CARM1: variants seen among roughly 807,000 people sequenced by gnomAD.
The protein encoded by CARM1 is coactivator associated arginine methyltransferase 1.
Under a neutral mutation model 72.7 loss-of-function variants are expected in CARM1, and 14 were observed. The observed-to-expected ratio is 0.19, with a 90% CI of 0.13 to 0.30. The LOEUF is 0.30. CARM1 is among the 10% of genes least tolerant of loss of function. The pLI, the probability that CARM1 is intolerant of heterozygous loss-of-function variation, is 1.00. For synonymous variants in CARM1, 333 were observed against 345.5 expected (o/e 0.96, Z 0.40); for missense variants, 432 against 833.7 (o/e 0.52, Z 5.93).
chr19:10,908,457 G>T (rs764068488), intron 3 of CARM1: 17 of 302,316 alleles, frequency 5.6e-5, no homozygotes, highest in Non-Finnish European at 1.1e-4. Context: ...CTGCATGCCA[G>T]GCCCTGGTCT....
At chr19:10,886,192 G>T (rs2073941202) in intron 1 of CARM1, among the ~76,000 whole-genome samples, 2 of 151,948 alleles carry the variant, frequency 1.3e-5, no homozygotes, top group African/African-American at 4.8e-5. Context: ...CAGTAGCTGG[G>T]ATTACGGGCA....
chr19:10,922,664 C>T lies in CARM1; in HGVS notation c.*907C>T, dbSNP rs1040799059. 5.3e-5 allele frequency: 8 copies of T among 152,308 alleles called. No homozygotes were observed. Among genetic ancestry groups the T allele is most frequent in the African/African-American group, 1.9e-4 (8 of 41,428 alleles). 9.4% of individuals were successfully genotyped at this position (152,308 alleles called of 1,614,324 possible). On this transcript the variant is annotated 3_prime_UTR_variant, in exon 16 of 16. Coordinates refer to ENST00000327064, the MANE Select transcript of CARM1 (RefSeq NM_199141.2). ...GACGCTCCAGTCCCTACTACTGTGACGGCATTTCCATCCCTCCCCTGCCCG... is the reference window on the plus strand; with the variant it reads ...GACGCTCCAGTCCCTACTACTGTGATGGCATTTCCATCCCTCCCCTGCCCG...
intron 3 of CARM1, among the ~76,000 whole-genome samples, 198 bp from the exon 4 acceptor site, chr19:10,908,905 C>A (rs11667234): frequency 0.027 from 4,084 of 152,316 alleles, 79 homozygotes; most frequent in Non-Finnish European, 0.042. Context: ...GTGATAGTGG[C>A]GGTGTCCTCC....
chr19:10,912,278 T>C lies in CARM1; in HGVS notation c.653T>C (p.Met218Thr). The change falls in exon 5 of 16, where the codon ATG becomes ACG. Residue 218 changes from methionine (M) to threonine (T), a missense_variant. Coordinates refer to ENST00000327064, the MANE Select transcript of CARM1 (RefSeq NM_199141.2). The surrounding 1 kb of genome is among the most constrained non-coding windows in gnomAD (Gnocchi z 4.5). ...ATCTACGCGGTGGAGGCCAGCACCATGGCCCAGCACGCTGAGGTCAGTGGC... is the reference window on the plus strand; with the variant it reads ...ATCTACGCGGTGGAGGCCAGCACCACGGCCCAGCACGCTGAGGTCAGTGGC... ...RKIYAVEAST[M>T]AQHAEVLVKS... is the part of the protein sequence containing the mutation. The C allele has an allele frequency of 6.5e-7, 1 of 1,531,546 alleles. No individual in the cohort carries two copies. Among genetic ancestry groups the C allele is most frequent in the Non-Finnish European group, 8.9e-7 (1 of 1,128,794 alleles). The allele number at this position is 1,531,546 out of a possible 1,614,324, so 94.9% of individuals were successfully genotyped here. A position where few individuals can be genotyped will look rare whatever the true frequency, so the allele number is the denominator to read the frequency against.
intron 1 of CARM1, among the ~76,000 whole-genome samples, chr19:10,885,141 T>G (rs1185913514): frequency 6.6e-6 from 1 of 152,118 alleles, no homozygotes; most frequent in African/African-American, 2.4e-5. Flanking sequence ...CCCCTCTGGG[T>G]AGGTTTGTTC....
At position 10,913,860 on chromosome 19, in the gene CARM1, GC is replaced by G. The variant is rs776976028; in HGVS notation, c.670-14del. On this transcript the variant is annotated splice_polypyrimidine_tract_variant and intron_variant, in intron 5 of 15. Coordinates refer to ENST00000327064, the MANE Select transcript of CARM1 (RefSeq NM_199141.2). ...AGGAAGACGCAGGGAAGCCCACATG[GC>G]CCTGCCCGCCTGCAGGTCTTGGTGA... The G allele has an allele frequency of 1.2e-6, 2 of 1,608,058 alleles. No individual in the cohort carries two copies. The highest frequency in any genetic ancestry group is 8.5e-7 in the Non-Finnish European group (1 of 1,176,788).
At chr19:10,885,141 TA>T (rs1309946604) in intron 1 of CARM1, among the ~76,000 whole-genome samples, 1 of 152,118 alleles carries the variant, frequency 6.6e-6, no homozygotes, top group Non-Finnish European at 1.5e-5. Flanking sequence ...CCCCTCTGGG[TA>T]GGTTTGTTCA....
chr19:10,884,812 C>T (rs550787241), intron 1 of CARM1, among the ~76,000 whole-genome samples: 1 of 152,282 alleles, frequency 6.6e-6, no homozygotes, highest in Admixed American at 6.5e-5. Context: ...TCAAGCGATT[C>T]TCCTCCCTCA....
chr19:10,897,804 G>A (rs1310123533), intron 1 of CARM1, among the ~76,000 whole-genome samples: 8 of 152,086 alleles, frequency 5.3e-5, no homozygotes, highest in East Asian at 1.9e-4. Flanking sequence ...CCTGGTCAAC[G>A]AGGTGAAACC....
At chr19:10,891,866 T>C (rs2073990394) in intron 1 of CARM1, among the ~76,000 whole-genome samples, 1 of 152,218 alleles carries the variant, frequency 6.6e-6, no homozygotes, top group African/African-American at 2.4e-5. Context: ...TCCTCCAACC[T>C]GCTGGGCTTC....
At chr19:10,908,773 T>A (rs1599704107) in intron 3 of CARM1, 1 of 265,782 alleles carries the variant, frequency 3.8e-6, no homozygotes, top group East Asian at 1.1e-4. Flanking sequence ...CTTCTCTTCT[T>A]CTTTGGGGCC....
chr19:10,901,183 A>G (rs572092986), intron 1 of CARM1, among the ~76,000 whole-genome samples: 3 of 150,334 alleles, frequency 2.0e-5, no homozygotes, highest in East Asian at 2.0e-4. Context: ...GCATTTTGCC[A>G]TGTTGACCAG....
At chr19:10,921,222 T>G (rs1374057259) in intron 14 of CARM1, 95 bp downstream of exon 14, 1 of 1,460,288 alleles carries the variant, frequency 6.8e-7, no homozygotes, top group Non-Finnish European at 9.6e-7. Flanking sequence ...CGGCCTCTGC[T>G]TGGTCCTTTC....
At chr19:10,880,117 G>T (rs538577612) in intron 1 of CARM1, among the ~76,000 whole-genome samples, 24 of 152,334 alleles carry the variant, frequency 1.6e-4, no homozygotes, top group African/African-American at 5.3e-4. Flanking sequence ...AGGTGGAGAG[G>T]CTCAGGAAGA....
intron 1 of CARM1, among the ~76,000 whole-genome samples, chr19:10,884,101 G>C (rs1290930299): frequency 1.4e-5 from 2 of 145,526 alleles, no homozygotes; most frequent in Non-Finnish European, 3.0e-5. Context: ...CCAGCACTTT[G>C]GGAGGCCGAG....
At chr19:10,917,726 T>C (rs545107551) in intron 8 of CARM1, among the ~76,000 whole-genome samples, 2 of 149,938 alleles carry the variant, frequency 1.3e-5, no homozygotes, top group African/African-American at 4.9e-5. Context: ...TTCTTTTTTT[T>C]TTTTTTTTTG....
chr19:10,895,544 G>C (rs1406550138), intron 1 of CARM1, among the ~76,000 whole-genome samples: 1 of 152,246 alleles, frequency 6.6e-6, no homozygotes, highest in Non-Finnish European at 1.5e-5. Flanking sequence ...TAGTGCTGCT[G>C]TGTGGCCACC....
At chr19:10,891,066 G>T (rs1003550960) in intron 1 of CARM1, among the ~76,000 whole-genome samples, 9 of 150,948 alleles carry the variant, frequency 6.0e-5, no homozygotes, top group Admixed American at 4.6e-4. Context: ...GGGGGACAGG[G>T]CCAGACACTT....
At chr19:10,904,858 A>G in intron 1 of CARM1, 93 bp from the exon 2 acceptor site, 1 of 1,529,566 alleles carries the variant, frequency 6.5e-7, no homozygotes, top group Non-Finnish European at 8.9e-7. Flanking sequence ...GGGGGCACCA[A>G]GGGGAGGCAG....
Sources: gnomAD v4.1 joint callset for allele counts (sites outside exome capture counted in the v4.1 genomes callset) on GRCh38, gnomAD v4.1.1 for gene constraint, Gnocchi (gnomAD v3.1) non-coding constraint, MANE v1.5 for transcripts, NCBI Gene and HGNC (gene_info 2026-07-23, HGNC 2026-07-21) for gene names.